Variants in SPATA7 observed in about 807,000 individuals in gnomAD.
SPATA7 encodes spermatogenesis associated 7.
Under a neutral mutation model 51.8 loss-of-function variants are expected in SPATA7, and 43 were observed. The observed-to-expected ratio is 0.83, with a 90% CI of 0.65 to 1.07. The LOEUF (loss-of-function observed/expected upper bound fraction) is 1.07, where lower values mean the gene tolerates loss of function less well. Among genes scored for constraint, SPATA7 ranks in the 50% least tolerant of loss-of-function variants. The pLI, the probability that SPATA7 is intolerant of heterozygous loss-of-function variation, is 0.00. For missense variants in SPATA7, 683 were observed against 701.3 expected, an observed-to-expected ratio of 0.97 and a Z score of 0.30; for synonymous variants, 230 against 252.8, an observed-to-expected ratio of 0.91 and a Z score of 0.86.
At chr14:88,392,623 G>C (rs1437056659) in intron 2 of SPATA7, among the ~76,000 whole-genome samples, 2 of 152,070 alleles carry the variant, frequency 1.3e-5, no homozygotes, top group Admixed American at 1.3e-4. Context: ...GTATATTTCT[G>C]GGAAGGGAGA....
At position 88,429,441 on chromosome 14, in the gene SPATA7, G is replaced by A. The variant is rs765393196; in HGVS notation, c.1006G>A (p.Ala336Thr). Reference sequence around the variant, plus strand: ...AACATGGGATGAGATTAAGGATGATGCTCTTCAGCATTCCTCACCAAGGTA... The same window carrying A: ...AACATGGGATGAGATTAAGGATGATACTCTTCAGCATTCCTCACCAAGGTA... ...DSTWDEIKDDALQHSSPRAMC... is the reference protein window; with the variant it reads ...DSTWDEIKDDTLQHSSPRAMC... Residue 336 changes from alanine to threonine, a missense_variant, in exon 8 of 12, where the codon GCT becomes ACT. Ala to Thr is a moderately conservative substitution (Grantham distance 58). Coordinates refer to ENST00000393545, the MANE Select transcript of SPATA7 (RefSeq NM_018418.5). 5 of 1,611,098 alleles carry A rather than the reference G, an allele frequency of 3.1e-6. 1 individual carries two copies. The South Asian group carries it at 4.4e-5, about 14-fold the overall frequency.
Position 88,393,438 on chromosome 14 carries a change from T to C in SPATA7, c.140T>C (p.Leu47Pro). Residue 47 changes from leucine to proline, a missense_variant, in exon 3 of 12, where the codon CTG becomes CCG. Coordinates refer to ENST00000393545, the MANE Select transcript of SPATA7 (RefSeq NM_018418.5). Reference protein sequence around the residue: ...SSSLRLSTLQLVKNHMAVHYN... With the variant: ...SSSLRLSTLQPVKNHMAVHYN... Reference sequence around the variant, plus strand: ...TCTCTCAGACTAAGCACTCTCCAGCTGGTCAAGAATCACATGGCTGTTCAC... The same window carrying C: ...TCTCTCAGACTAAGCACTCTCCAGCCGGTCAAGAATCACATGGCTGTTCAC... 1 of 1,606,024 alleles carries C rather than the reference T, an allele frequency of 6.2e-7. No homozygotes were observed. The highest frequency in any genetic ancestry group is 8.5e-7 in the Non-Finnish European group (1 of 1,175,504).
At position 88,386,127 on chromosome 14, in the gene SPATA7, AG is replaced by A. The variant is rs1355657488; in HGVS notation, c.19+292del. On this transcript the variant is annotated intron_variant, in intron 1 of 11. Transcript: ENST00000393545. ...AGCCTTTAAAACCTCAGTAGCTCCC[AG>A]GCAGAGGAACCAGGTTTGGTCTTTG... 5 of 1,071,060 alleles carry A rather than the reference AG, an allele frequency of 4.7e-6. No individual in the cohort carries two copies. In the African/African-American group the frequency reaches 6.4e-5, roughly 14 times the overall value. 66.3% of individuals were successfully genotyped at this position (1,071,060 alleles called of 1,614,324 possible).
intron 3 of SPATA7, among the ~76,000 whole-genome samples, chr14:88,447,691 A>G (rs937940566): frequency 2.0e-5 from 3 of 149,952 alleles, no homozygotes; most frequent in African/African-American, 7.4e-5. Context: ...TGGTGACAAA[A>G]TCTCTCAGCA....
At chr14:88,459,425 G>A (rs2077303482), downstream of SPATA7, among the ~76,000 whole-genome samples, 1 of 152,172 alleles carries the variant, frequency 6.6e-6, no homozygotes, top group African/African-American at 2.4e-5. Context: ...GTGCATATAT[G>A]TTTAGGATAA....
chr14:88,462,714 A>G (rs2077325267), intron 4 of SPATA7, among the ~76,000 whole-genome samples: 2 of 152,224 alleles, frequency 1.3e-5, no homozygotes, highest in Non-Finnish European at 2.9e-5. Context: ...ACAGATTTTA[A>G]AGTGCGTTTA....
At chr14:88,434,688 A>G (rs76672006) in intron 10 of SPATA7, among the ~76,000 whole-genome samples, 270 of 140,822 alleles carry the variant, frequency 1.9e-3, no homozygotes, top group Non-Finnish European at 3.5e-3. Flanking sequence ...TCTGTCTCAG[A>G]AAAAAAAAAA....
chr14:88,398,185 T>C (rs1299669101), intron 4 of SPATA7, among the ~76,000 whole-genome samples: 1 of 152,042 alleles, frequency 6.6e-6, no homozygotes, highest in Non-Finnish European at 1.5e-5. Flanking sequence ...TATACGTATG[T>C]TTATTGCAGC....
chr14:88,447,006 G>A (rs2077218347), intron 3 of SPATA7, among the ~76,000 whole-genome samples: 1 of 152,098 alleles, frequency 6.6e-6, no homozygotes, highest in Non-Finnish European at 1.5e-5. Context: ...ATGTCTGCTT[G>A]GTGCAGAGCT....
At chr14:88,399,710 G>A (rs116215562) in intron 4 of SPATA7, among the ~76,000 whole-genome samples, 189 of 152,212 alleles carry the variant, frequency 1.2e-3, no homozygotes, top group African/African-American at 4.3e-3. Context: ...GTGAGCCACC[G>A]CGCCTGGCCT....
chr14:88,464,175 G>C (rs993193662), intron 4 of SPATA7, among the ~76,000 whole-genome samples: 4 of 151,942 alleles, frequency 2.6e-5, no homozygotes, highest in African/African-American at 9.7e-5. Context: ...TAGATAGTAG[G>C]GTAAATGGAG....
Position 88,469,989 on chromosome 14 carries a change from C to G in SPATA7, c.*122C>G, listed in dbSNP as rs746152357. The G allele has an allele frequency of 8.7e-6, 14 of 1,613,604 alleles. No homozygotes were observed. The highest frequency in any genetic ancestry group is 1.1e-5 in the Non-Finnish European group (13 of 1,179,694). The stretch of plus-strand genomic sequence containing the variant: ...CCATACCATCTGCCAAAAATCTTGA[C>G]AGGTATTCTGTAATGGTCCCTGTGT... On this transcript the variant is annotated 3_prime_UTR_variant, in exon 5 of 5. Transcript: ENST00000556406. The surrounding 1 kb of genome is among the most constrained non-coding windows in gnomAD (Gnocchi z 4.3).
intron 3 of SPATA7, among the ~76,000 whole-genome samples, chr14:88,395,559 G>T (rs550494717): frequency 4.0e-5 from 6 of 151,872 alleles, no homozygotes. Context: ...TTAAATTTGC[G>T]ATCCATTTTG....
rs991110975 is a variant in SPATA7 at position 88,431,301 on chromosome 14, T to C, written c.1082+76T>C. ...AATCAAAGAAACCATATTAAATAAG[T>C]CAGGATTGAACAATAATCTCTTTTT... On this transcript the variant is annotated intron_variant, in intron 9 of 11. Transcript: ENST00000393545. 3.7e-6 allele frequency: 5 copies of C among 1,365,476 alleles called. No individual in the cohort carries two copies. In the Admixed American group the frequency reaches 5.0e-5, roughly 14 times the overall value. 84.6% of individuals were successfully genotyped at this position (1,365,476 alleles called of 1,614,324 possible).
chr14:88,411,340 C>T (rs962132771), intron 4 of SPATA7, among the ~76,000 whole-genome samples: 5 of 152,176 alleles, frequency 3.3e-5, no homozygotes, highest in East Asian at 3.9e-4. Flanking sequence ...CTAGACCATT[C>T]GCCTCCCTGG....
At chr14:88,461,753 C>T (rs543429416) in intron 4 of SPATA7, among the ~76,000 whole-genome samples, 13 of 152,254 alleles carry the variant, frequency 8.5e-5, no homozygotes, top group Admixed American at 1.3e-4. Context: ...GAGATGAACC[C>T]GGTACCTCAG....
chr14:88,412,190 CT>C (rs1269483800), intron 4 of SPATA7, among the ~76,000 whole-genome samples: 1 of 144,100 alleles, frequency 6.9e-6, no homozygotes, highest in Non-Finnish European at 1.5e-5. Context: ...CCTTTTCTCA[CT>C]TTTTAATGGG....
intron 5 of SPATA7, among the ~76,000 whole-genome samples, chr14:88,418,143 C>A (rs771000010): frequency 7.0e-6 from 1 of 141,940 alleles, no homozygotes; most frequent in Non-Finnish European, 1.5e-5. Flanking sequence ...TGCCTTCATT[C>A]TTCTTCTTCA....
chr14:88,401,455 T>C (rs189484671), intron 4 of SPATA7, among the ~76,000 whole-genome samples: 12 of 152,274 alleles, frequency 7.9e-5, no homozygotes, highest in African/African-American at 2.6e-4. Flanking sequence ...GATTCCTCAC[T>C]TTTGCCACTT....
Sources: gnomAD v4.1 joint callset for allele counts (sites outside exome capture counted in the v4.1 genomes callset) on GRCh38, gnomAD v4.1.1 for gene constraint, Gnocchi (gnomAD v3.1) non-coding constraint, MANE v1.5 for transcripts, NCBI Gene and HGNC (gene_info 2026-07-23, HGNC 2026-07-21) for gene names.